Variants in SUSD1 observed in about 807,000 individuals in gnomAD.
SUSD1 encodes the protein sushi domain-containing protein 1.
Under a neutral mutation model 86.9 loss-of-function variants are expected in SUSD1, and 65 were observed. The observed-to-expected ratio is 0.75, with a 90% CI of 0.61 to 0.92. SUSD1 has a LOEUF of 0.92. Ranked by LOEUF, SUSD1 falls within the 40% of genes least tolerant of loss-of-function variation. The pLI is 0.00. For missense variants in SUSD1, 850 were observed against 929.7 expected (o/e 0.91, Z 1.11); for synonymous variants, 346 against 350.0 (o/e 0.99, Z 0.13).
At chr9:112,107,635 G>C (rs1226468059) in intron 8 of SUSD1, among the ~76,000 whole-genome samples, 1 of 152,148 alleles carries the variant, frequency 6.6e-6, no homozygotes, top group Admixed American at 6.5e-5. Context: ...AGGAAAAAAA[G>C]TAGACAAAGG....
chr9:112,091,980 C>T (rs143312570), intron 10 of SUSD1, among the ~76,000 whole-genome samples: 2 of 152,300 alleles, frequency 1.3e-5, no homozygotes, highest in Non-Finnish European at 2.9e-5. Context: ...TCCCTTGGCT[C>T]AGCTCCCCAG....
At chr9:112,080,028 C>A in intron 11 of SUSD1, 46 bp downstream of exon 11, 1 of 1,406,438 alleles carries the variant, frequency 7.1e-7, no homozygotes, top group South Asian at 1.2e-5. Context: ...TTAAGCCTCC[C>A]ACATAAGACA....
intron 8 of SUSD1, among the ~76,000 whole-genome samples, chr9:112,105,930 T>C (rs1211604246): frequency 6.6e-6 from 1 of 152,240 alleles, no homozygotes; most frequent in African/African-American, 2.4e-5. Flanking sequence ...TTAAATTTCA[T>C]GGCTAAAGAA....
At chr9:112,171,250 A>C (rs1834034592) in intron 1 of SUSD1, among the ~76,000 whole-genome samples, 1 of 151,650 alleles carries the variant, frequency 6.6e-6, no homozygotes, top group African/African-American at 2.4e-5. Flanking sequence ...CACCACCCCC[A>C]ACCCCCTTCC....
chr9:112,049,236 G>A (rs1360585239), intron 15 of SUSD1, among the ~76,000 whole-genome samples: 1 of 152,182 alleles, frequency 6.6e-6, no homozygotes, highest in African/African-American at 2.4e-5. Flanking sequence ...AAAAGGAGTA[G>A]TCCCGAATAA....
chr9:112,148,391 CA>C (rs1019514618), intron 3 of SUSD1, among the ~76,000 whole-genome samples: 1 of 152,132 alleles, frequency 6.6e-6, no homozygotes, highest in African/African-American at 2.4e-5. Flanking sequence ...CCCATGCTCC[CA>C]AAACTCGCAC....
chr9:112,041,300 C>T lies in SUSD1; in HGVS notation c.*192G>A, dbSNP rs1827723468. On this transcript the variant is annotated 3_prime_UTR_variant, in exon 17 of 17. Coordinates refer to ENST00000374270, the MANE Select transcript of SUSD1 (RefSeq NM_022486.5). ...AAGACTCAGAATTCCTGAGTTTTCT[C>T]CTTATGGTGACTCCTCAGGGATAGC... 4 of 636,838 alleles carry T rather than the reference C, an allele frequency of 6.3e-6. No individual in the cohort carries two copies. The Admixed American group carries it at 1.0e-4, about 16-fold the overall frequency. 39.4% of individuals were successfully genotyped at this position (636,838 alleles called of 1,614,324 possible). A position where few individuals can be genotyped will look rare whatever the true frequency, so the allele number is the denominator to read the frequency against.
chr9:112,070,005 T>TTTTGC, intron 12 of SUSD1, among the ~76,000 whole-genome samples: 1 of 152,266 alleles, frequency 6.6e-6, no homozygotes, highest in African/African-American at 2.4e-5. Flanking sequence ...TTTGTTTTTG[T>TTTTGC]TTTTGCTTTT....
intron 8 of SUSD1, among the ~76,000 whole-genome samples, chr9:112,107,373 CG>C (rs991077780): frequency 3.3e-5 from 5 of 151,578 alleles, no homozygotes; most frequent in African/African-American, 9.7e-5. Flanking sequence ...CGCTTAAAAC[CG>C]GGAGGCCAAG....
rs1464823152 is a variant in SUSD1 at position 112,175,089 on chromosome 9, G to A, written c.103+44C>T. On this transcript the variant is annotated intron_variant, in intron 1 of 16. Transcript: ENST00000374270. This position sits in a 1 kb window ranked among gnomAD's most constrained non-coding sequence, Gnocchi z 4.7. ...CGCCCAGAGTCCTCGAGGCCCAGCC[G>A]GGGGCCCCGCCGGCCGCCCGTGCCC... 4.0e-6 allele frequency: 4 copies of A among 1,002,402 alleles called. No individual in the cohort carries two copies. Among genetic ancestry groups the A allele is most frequent in the East Asian group, 2.1e-4 (2 of 9,386 alleles). The allele number at this position is 1,002,402 out of a possible 1,614,324, so 62.1% of individuals were successfully genotyped here. A position where few individuals can be genotyped will look rare whatever the true frequency, so the allele number is the denominator to read the frequency against.
At chr9:112,117,564 T>A (rs898023599) in intron 6 of SUSD1, among the ~76,000 whole-genome samples, 22 of 152,200 alleles carry the variant, frequency 1.4e-4, no homozygotes, top group African/African-American at 5.3e-4. Flanking sequence ...TATATATAGA[T>A]ATAGATGTAC....
In SUSD1 at chr9:112,113,707, G is replaced by A. The variant is rs570634532; in HGVS notation, c.887-839C>T. Among the ~76,000 whole-genome samples the A allele has an allele frequency of 2.0e-5, 3 of 151,932 alleles. No individual in the cohort carries two copies. Among genetic ancestry groups the A allele is most frequent in the Non-Finnish European group, 1.5e-5 (1 of 67,946 alleles). ...AGCACTTTGGGAGGCCAAGGTTGGC[G>A]GATTACCTGAGCTCAGAAGTTTGAG... On this transcript the variant is annotated intron_variant, in intron 6 of 16. Coordinates refer to ENST00000374270, the MANE Select transcript of SUSD1 (RefSeq NM_022486.5). The surrounding 1 kb of genome is among the most constrained non-coding windows in gnomAD (Gnocchi z 4.1).
At position 112,058,487 on chromosome 9, in the gene SUSD1, G is replaced by C. The variant is rs974302441; in HGVS notation, c.2050C>G (p.Pro684Ala). 2 of 1,613,978 alleles carry C rather than the reference G, an allele frequency of 1.2e-6. No homozygotes were observed. The highest frequency in any genetic ancestry group is 1.7e-6 in the Non-Finnish European group (2 of 1,180,004). Residue 684 changes from proline (P) to alanine (A), a missense_variant, in exon 14 of 17, where the codon CCC (proline) becomes GCC (alanine). Pro to Ala is a conservative substitution (Grantham distance 27, BLOSUM62 -1). Transcript: ENST00000374270. ...RLYYGEYYNA[P>A]LKRGSDYCII... ...CAGTAATCACTCCCTCTTTTCAAGG[G>C]TGCATTATAATATTCCCCATAGTAC... is the stretch of plus-strand genomic sequence containing the variant.
chr9:112,046,573 A>G (rs1432693795), intron 15 of SUSD1, among the ~76,000 whole-genome samples: 2 of 152,194 alleles, frequency 1.3e-5, no homozygotes, highest in African/African-American at 4.8e-5. Flanking sequence ...AGGAAGTTAG[A>G]AAGGCCCTAT....
intron 4 of SUSD1, among the ~76,000 whole-genome samples, 166 bp downstream of exon 4, chr9:112,143,305 C>G (rs1260401886): frequency 6.6e-6 from 1 of 151,828 alleles, no homozygotes; most frequent in Non-Finnish European, 1.5e-5. Context: ...TTAACATGGC[C>G]CCCTGTAACT....
chr9:112,131,990 A>G (rs184192110), intron 5 of SUSD1, among the ~76,000 whole-genome samples: 1 of 152,336 alleles, frequency 6.6e-6, no homozygotes, highest in Admixed American at 6.5e-5. Flanking sequence ...TATAACTTAT[A>G]TCTCATATCT....
At chr9:112,081,069 C>T (rs927141262) in intron 10 of SUSD1, among the ~76,000 whole-genome samples, 2 of 152,160 alleles carry the variant, frequency 1.3e-5, no homozygotes, top group Admixed American at 6.5e-5. Context: ...GAGGTACACC[C>T]ATCCAAGTAG....
In SUSD1 at chr9:112,113,100, T is replaced by C. The variant is rs1000581927; in HGVS notation, c.887-232A>G. ...TTAGAGGGAAAGGAAAGATTCCAGC[T>C]TGGATATAGGTCAGAATTCTAACCT... is the stretch of plus-strand genomic sequence containing the variant. On this transcript the variant is annotated intron_variant, in intron 6 of 16. Coordinates refer to ENST00000374270, the MANE Select transcript of SUSD1 (RefSeq NM_022486.5). The surrounding 1 kb of genome is among the most constrained non-coding windows in gnomAD (Gnocchi z 4.1). Among the ~76,000 whole-genome samples the C allele has an allele frequency of 4.6e-5, 7 of 152,176 alleles. No individual in the cohort carries two copies. The highest frequency in any genetic ancestry group is 1.5e-5 in the Non-Finnish European group (1 of 68,028).
In SUSD1 at chr9:112,064,337, T is replaced by C. The variant is rs150816023; in HGVS notation, c.1754-1304A>G. Among the ~76,000 whole-genome samples, 538 of 152,312 alleles carry C rather than the reference T, an allele frequency of 3.5e-3. 2 individuals are homozygous for C. Among genetic ancestry groups the C allele is most frequent in the Middle Eastern group, 0.01 (3 of 294 alleles). ...GATTCTCATAAGAGCATGAACCCTA[T>C]TGTGAACTGTGCATACAAGGGATCT... On this transcript the variant is annotated intron_variant, in intron 12 of 16. Coordinates refer to ENST00000374270, the MANE Select transcript of SUSD1 (RefSeq NM_022486.5).
Sources: allele counts gnomAD v4.1 joint callset (sites outside exome capture counted in the v4.1 genomes callset), GRCh38; gene constraint gnomAD v4.1.1; non-coding constraint Gnocchi (gnomAD v3.1); transcripts MANE v1.5; gene names NCBI Gene and HGNC (gene_info 2026-07-23, HGNC 2026-07-21).